MDGA2: variants seen among roughly 807,000 people sequenced by gnomAD.
The protein encoded by MDGA2 is MAM domain-containing glycosylphosphatidylinositol anchor protein 2.
In MDGA2, 40 loss-of-function variants were observed where a neutral mutation model predicts 117.8. That is an observed-to-expected ratio of 0.34 (90% confidence interval 0.26 to 0.44). The LOEUF is 0.44. Ranked by LOEUF, MDGA2 falls within the 20% of genes least tolerant of loss-of-function variation. The pLI, the probability that MDGA2 is intolerant of heterozygous loss-of-function variation, is 1.00. For synonymous variants in MDGA2, 452 were observed against 439.0 expected (o/e 1.03, Z -0.37); for missense variants, 1,123 against 1,250.6 (o/e 0.90, Z 1.54).
intron 2 of MDGA2, among the ~76,000 whole-genome samples, chr14:47,292,804 G>T (rs1233614247): frequency 6.6e-6 from 1 of 152,054 alleles, no homozygotes; most frequent in African/African-American, 2.4e-5. Context: ...TGTCATTTTT[G>T]TCTTTTTAGA....
At chr14:46,876,686 A>C (rs1239317992) in intron 12 of MDGA2, among the ~76,000 whole-genome samples, 1 of 148,962 alleles carries the variant, frequency 6.7e-6, no homozygotes, top group Admixed American at 6.8e-5. Flanking sequence ...ATCCTTCTCA[A>C]TATGATGAAA....
At position 47,632,759 on chromosome 14, in the gene MDGA2, T is replaced by C. The variant is rs541335617; in HGVS notation, c.280+41758A>G. ...CATAGTTTCTTTTCTTTCTTTTTTT[T>C]TGAGGGGGGGGCTCTTCCTTTCCTT... is the stretch of plus-strand genomic sequence containing the variant. On this transcript the variant is annotated intron_variant, in intron 1 of 16. Transcript: ENST00000399232. Among the ~76,000 whole-genome samples, 36 of 152,100 alleles carry C rather than the reference T, an allele frequency of 2.4e-4. No individual in the cohort carries two copies. In the South Asian group the frequency reaches 7.1e-3, roughly 30 times the overall value.
intron 14 of MDGA2, chr14:46,871,383 C>T (rs967960014): frequency 6.6e-6 from 1 of 151,914 alleles, no homozygotes; most frequent in Non-Finnish European, 1.5e-5. Context: ...AGACTCTGTC[C>T]AGCTTCCCAT....
intron 3 of MDGA2, among the ~76,000 whole-genome samples, chr14:47,182,844 G>GT (rs1212188417): frequency 1.3e-5 from 2 of 151,948 alleles, no homozygotes; most frequent in South Asian, 4.2e-4. Flanking sequence ...GCTTTTTTGG[G>GT]TTTTTTTGGG....
At chr14:47,377,572 G>A (rs1258274006) in intron 1 of MDGA2, among the ~76,000 whole-genome samples, 3 of 152,158 alleles carry the variant, frequency 2.0e-5, no homozygotes, top group African/African-American at 7.2e-5. Context: ...TATATCCCAT[G>A]CATGGCTTTG....
intron 1 of MDGA2, among the ~76,000 whole-genome samples, chr14:47,637,302 T>C (rs958388400): frequency 6.6e-6 from 1 of 152,202 alleles, no homozygotes; most frequent in Middle Eastern, 3.2e-3. Flanking sequence ...TATGAGATGC[T>C]GGTTTTGTTG....
At chr14:47,553,715 T>A (rs1361753613) in intron 1 of MDGA2, among the ~76,000 whole-genome samples, 2 of 145,296 alleles carry the variant, frequency 1.4e-5, no homozygotes, top group African/African-American at 5.1e-5. Context: ...TATATACTTA[T>A]AAAAACAATA....
rs905030519 is a variant in MDGA2 at position 47,173,987 on chromosome 14, G to C, written c.596-29713C>G. ...GCAAATGGAAAACAAAAAAAGGCAT[G>C]GGTTGCAATACTAGTCTCTGATAAA... On this transcript the variant is annotated intron_variant, in intron 3 of 16. Transcript: ENST00000399232. 5.9e-5 allele frequency among the ~76,000 whole-genome samples: 9 copies of C among 152,156 alleles called. 1 individual carries two copies. In the South Asian group the frequency reaches 1.0e-3, roughly 18 times the overall value.
chr14:47,484,746 C>G (rs12432905), intron 1 of MDGA2, among the ~76,000 whole-genome samples: 70,037 of 151,798 alleles, frequency 0.46, 16,400 homozygotes, highest in East Asian at 0.61. Context: ...TGCTGTTCTC[C>G]TAATAGTGAA....
At chr14:47,432,840 AG>A (rs1892825993) in intron 1 of MDGA2, among the ~76,000 whole-genome samples, 1 of 152,106 alleles carries the variant, frequency 6.6e-6, no homozygotes. Flanking sequence ...TGGATGATCT[AG>A]GTAGATGAAG....
At chr14:47,197,138 G>T (rs542768696) in intron 3 of MDGA2, among the ~76,000 whole-genome samples, 194 of 152,278 alleles carry the variant, frequency 1.3e-3, no homozygotes, top group African/African-American at 4.5e-3. Flanking sequence ...AAAAGTGCAT[G>T]TGTCTATTTT....
At chr14:47,228,804 T>C (rs533774012) in intron 2 of MDGA2, among the ~76,000 whole-genome samples, 2 of 152,262 alleles carry the variant, frequency 1.3e-5, no homozygotes, top group African/African-American at 4.8e-5. Context: ...CCTCTCCCTA[T>C]GGAGTCACAC....
chr14:46,981,172 G>GGT (rs386381279), intron 8 of MDGA2, among the ~76,000 whole-genome samples: 5 of 17,668 alleles, frequency 2.8e-4, no homozygotes, highest in African/African-American at 1.2e-3. Flanking sequence ...GGGAGGCCAA[G>GGT]GGGGGGGCGG....
At chr14:46,844,507 G>A (rs938200005) in intron 16 of MDGA2, among the ~76,000 whole-genome samples, 5 of 152,076 alleles carry the variant, frequency 3.3e-5, no homozygotes, top group Admixed American at 3.3e-4. Flanking sequence ...CTTGAACCCG[G>A]GAGGCGGAGA....
At chr14:47,161,911 C>A (rs936264412) in intron 3 of MDGA2, among the ~76,000 whole-genome samples, 1 of 129,444 alleles carries the variant, frequency 7.7e-6, no homozygotes, top group Non-Finnish European at 1.6e-5. Context: ...GATTTAAACA[C>A]CCCCCTCCCC....
At chr14:47,023,333 AC>A (rs1449906247) in intron 8 of MDGA2, among the ~76,000 whole-genome samples, 1 of 152,128 alleles carries the variant, frequency 6.6e-6, no homozygotes, top group Non-Finnish European at 1.5e-5. Flanking sequence ...AAAGGGTCTG[AC>A]CTTTGAAAAA....
intron 1 of MDGA2, among the ~76,000 whole-genome samples, chr14:47,600,839 G>GA (rs1221887631): frequency 6.6e-6 from 1 of 151,932 alleles, no homozygotes; most frequent in Non-Finnish European, 1.5e-5. Context: ...TCCAAGTAAT[G>GA]AAAAAAGTAA....
chr14:47,626,310 G>C (rs1188350834), intron 1 of MDGA2: 1 of 152,338 alleles, frequency 6.6e-6, no homozygotes, highest in East Asian at 1.9e-4. Flanking sequence ...CTCTACCTGA[G>C]ATAGTCCGGC....
At chr14:47,658,695 G>C (rs568303649) in intron 1 of MDGA2, among the ~76,000 whole-genome samples, 1 of 152,286 alleles carries the variant, frequency 6.6e-6, no homozygotes, top group Admixed American at 6.5e-5. Flanking sequence ...ACTTCCAAGA[G>C]TGTTACCTGA....
Sources: allele counts gnomAD v4.1 joint callset (sites outside exome capture counted in the v4.1 genomes callset), GRCh38; gene constraint gnomAD v4.1.1; transcripts MANE v1.5; gene names NCBI Gene and HGNC (gene_info 2026-07-23, HGNC 2026-07-21).